The following CACHD1 variants were observed in gnomAD, a reference collection of about 807,000 sequenced individuals.
The protein encoded by CACHD1 is cache domain containing 1, also known as VWFA and cache domain-containing protein 1.
A neutral mutation model predicts 138.7 loss-of-function variants in CACHD1; 71 were observed. The ratio of observed to expected loss-of-function variants is 0.51; its 90% confidence interval spans 0.42 to 0.62. The LOEUF is 0.62. Among genes scored for constraint, CACHD1 ranks in the 20% least tolerant of loss-of-function variants. The pLI is 0.00. For synonymous variants in CACHD1, 578 were observed against 591.5 expected (o/e 0.98, Z 0.33); for missense variants, 1,389 against 1,625.3 (o/e 0.85, Z 2.50).
intron 1 of CACHD1, among the ~76,000 whole-genome samples, chr1:64,475,741 G>C (rs1481331719): frequency 6.6e-6 from 1 of 151,930 alleles, no homozygotes; most frequent in African/African-American, 2.4e-5. Context: ...GTAGAGACGG[G>C]GTTTCACCAT....
intron 1 of CACHD1, among the ~76,000 whole-genome samples, chr1:64,502,613 T>C (rs1404546075): frequency 3.2e-5 from 4 of 126,024 alleles, no homozygotes; most frequent in African/African-American, 1.9e-4. Context: ...ATAAAATCTT[T>C]TTAGATTATA....
At chr1:64,633,081 G>A (rs1192379569) in intron 6 of CACHD1, among the ~76,000 whole-genome samples, 6 of 152,188 alleles carry the variant, frequency 3.9e-5, no homozygotes, top group Non-Finnish European at 8.8e-5. Context: ...TCTCCTTTAT[G>A]ATTGCATGGC....
chr1:64,476,408 A>G (rs1438011266), intron 1 of CACHD1, among the ~76,000 whole-genome samples: 1 of 152,260 alleles, frequency 6.6e-6, no homozygotes, highest in East Asian at 1.9e-4. Flanking sequence ...CACATGCATC[A>G]TAACAGGACA....
chr1:64,500,736 GAGAGAGA>G (rs1646334234), intron 1 of CACHD1, among the ~76,000 whole-genome samples: 1 of 11,044 alleles, frequency 9.1e-5, no homozygotes, highest in African/African-American at 2.1e-4. Flanking sequence ...AAAAAAAAAA[GAGAGAGA>G]GAGAGAGAGA....
At chr1:64,632,512 C>T in intron 5 of CACHD1, 87 bp from the exon 6 acceptor site, 1 of 1,377,312 alleles carries the variant, frequency 7.3e-7, no homozygotes, top group Non-Finnish European at 1.0e-6. Flanking sequence ...ACCAACATGC[C>T]CATGCACTGT....
chr1:64,632,271 AAAAAAAAGAG>A (rs1164040410), intron 5 of CACHD1, among the ~76,000 whole-genome samples: 13 of 151,814 alleles, frequency 8.6e-5, no homozygotes, highest in South Asian at 4.2e-4. Context: ...AAAAAAAAAA[AAAAAAAAGAG>A]AGAAAAGCAG....
chr1:64,628,249 A>ATTCC (rs1335489920), intron 4 of CACHD1, among the ~76,000 whole-genome samples: 1 of 152,194 alleles, frequency 6.6e-6, no homozygotes, highest in Non-Finnish European at 1.5e-5. Context: ...CACCTCATGC[A>ATTCC]TTCCTTCCTT....
chr1:64,687,362 G>A (rs78511490), intron 26 of CACHD1, among the ~76,000 whole-genome samples: 7 of 152,300 alleles, frequency 4.6e-5, no homozygotes, highest in African/African-American at 1.7e-4. Flanking sequence ...GACCTCTTCA[G>A]ATTTCCATTA....
intron 1 of CACHD1, among the ~76,000 whole-genome samples, chr1:64,506,657 G>A (rs1026755434): frequency 1.3e-5 from 2 of 152,168 alleles, no homozygotes; most frequent in Admixed American, 6.5e-5. Flanking sequence ...AAGTGGATGT[G>A]TCAAGAAAGA....
chr1:64,536,074 T>C lies in CACHD1; in HGVS notation c.199-14520T>C, dbSNP rs528230438. 2.6e-5 allele frequency among the ~76,000 whole-genome samples: 4 copies of C among 152,298 alleles called. No individual in the cohort carries two copies. The East Asian group carries it at 7.7e-4, about 29-fold the overall frequency. On this transcript the variant is annotated intron_variant, in intron 1 of 26. Transcript: ENST00000651257. ...GGTTTACATTCCATAAAGTCTCCTA[T>C]ATAAAGTGTACAATTCAGTGGTTTT...
intron 4 of CACHD1, among the ~76,000 whole-genome samples, chr1:64,615,086 C>T (rs1647665241): frequency 2.6e-5 from 4 of 152,204 alleles, no homozygotes; most frequent in South Asian, 4.1e-4. Context: ...GAATCACCCA[C>T]CTCCATCACC....
chr1:64,602,045 CA>C (rs1647220053), intron 3 of CACHD1, among the ~76,000 whole-genome samples: 1 of 152,142 alleles, frequency 6.6e-6, no homozygotes, highest in Admixed American at 6.5e-5. Flanking sequence ...GTTGCTATAG[CA>C]ATGGATCATT....
chr1:64,599,471 G>T (rs898969317), intron 3 of CACHD1, among the ~76,000 whole-genome samples: 1 of 152,074 alleles, frequency 6.6e-6, no homozygotes, highest in Non-Finnish European at 1.5e-5. Flanking sequence ...GGGTGGAGTG[G>T]ACACTGGAGA....
chr1:64,545,707 T>C (rs1646713199), intron 1 of CACHD1, among the ~76,000 whole-genome samples: 1 of 152,208 alleles, frequency 6.6e-6, no homozygotes, highest in African/African-American at 2.4e-5. Flanking sequence ...CACAACCATG[T>C]GTCTGCAAGG....
chr1:64,608,487 A>T (rs1488570694), intron 4 of CACHD1, among the ~76,000 whole-genome samples: 10 of 152,226 alleles, frequency 6.6e-5, no homozygotes, highest in African/African-American at 2.4e-4. Flanking sequence ...ACAGTTTCAG[A>T]TTGCCTCTCA....
intron 2 of CACHD1, among the ~76,000 whole-genome samples, chr1:64,576,547 G>A (rs2100524302): frequency 6.6e-6 from 1 of 152,138 alleles, no homozygotes; most frequent in East Asian, 1.9e-4. Context: ...TCCATAGTGT[G>A]TCACCATCAC....
At chr1:64,562,321 C>G (rs1054274672) in intron 2 of CACHD1, among the ~76,000 whole-genome samples, 1 of 148,708 alleles carries the variant, frequency 6.7e-6, no homozygotes, top group African/African-American at 2.5e-5. Context: ...ACTACAAATC[C>G]CTGAGACAGT....
At chr1:64,612,792 A>C (rs564256336) in intron 4 of CACHD1, among the ~76,000 whole-genome samples, 5 of 152,354 alleles carry the variant, frequency 3.3e-5, no homozygotes, top group Non-Finnish European at 7.3e-5. Flanking sequence ...TGTTGTTTTC[A>C]TGCCTGCTAG....
rs542522594 is a variant in CACHD1 at position 64,678,444 on chromosome 1, A to G, written c.3244+134A>G. 21 of 940,694 alleles carry G rather than the reference A, an allele frequency of 2.2e-5. No individual in the cohort carries two copies. The Admixed American group carries it at 6.6e-4, about 30-fold the overall frequency. The allele number at this position is 940,694 out of a possible 1,614,324, so 58.3% of individuals were successfully genotyped here. A position where few individuals can be genotyped will look rare whatever the true frequency, so the allele number is the denominator to read the frequency against. ...CTGGTAGTCTTTAGTTACAAAACCAAGGCAGATAATTACCTTCAGAACTGG... is the reference window on the plus strand; with the variant it reads ...CTGGTAGTCTTTAGTTACAAAACCAGGGCAGATAATTACCTTCAGAACTGG... On this transcript the variant is annotated intron_variant, in intron 23 of 26. Transcript: ENST00000651257.
Sources: allele counts gnomAD v4.1 joint callset (sites outside exome capture counted in the v4.1 genomes callset), GRCh38; gene constraint gnomAD v4.1.1; transcripts MANE v1.5; gene names NCBI Gene and HGNC (gene_info 2026-07-23, HGNC 2026-07-21).